The following SEMA5B variants were observed in gnomAD, a reference collection of about 807,000 sequenced individuals.
SEMA5B encodes the protein semaphorin-5B.
Under a neutral mutation model 135.0 loss-of-function variants are expected in SEMA5B, and 66 were observed. The observed-to-expected ratio is 0.49, with a 90% confidence interval of 0.40 to 0.60. The LOEUF is 0.60. Ranked by LOEUF, SEMA5B falls within the 20% of genes least tolerant of loss-of-function variation. SEMA5B has a pLI of 0.00. For missense variants in SEMA5B, 1,501 were observed against 1,566.3 expected, an observed-to-expected ratio of 0.96 and a Z score of 0.70; for synonymous variants, 690 against 639.5, an observed-to-expected ratio of 1.08 and a Z score of -1.19.
chr3:122,954,600 G>A (rs1940198913), intron 2 of SEMA5B, among the ~76,000 whole-genome samples: 1 of 152,192 alleles, frequency 6.6e-6, no homozygotes, highest in Non-Finnish European at 1.5e-5. Flanking sequence ...TGTCAGTGGG[G>A]CTTACAGGGA....
chr3:122,989,295 G>T (rs377593236), intron 1 of SEMA5B, among the ~76,000 whole-genome samples: 95 of 152,338 alleles, frequency 6.2e-4, no homozygotes, highest in African/African-American at 2.1e-3. Context: ...CTGCTGGTGG[G>T]TCAAGGAGGG....
chr3:122,977,249 A>G (rs1391156164), intron 1 of SEMA5B, among the ~76,000 whole-genome samples: 3 of 152,252 alleles, frequency 2.0e-5, no homozygotes, highest in African/African-American at 7.2e-5. Flanking sequence ...GTAAAGGGCC[A>G]TATGGTTAAC....
intron 1 of SEMA5B, among the ~76,000 whole-genome samples, chr3:122,974,403 C>T (rs1322927125): frequency 6.6e-6 from 1 of 152,252 alleles, no homozygotes; most frequent in Admixed American, 6.5e-5. Flanking sequence ...CACTCGCCTG[C>T]GCACATGCCT....
chr3:123,008,117 G>C (rs1201194464), intron 1 of SEMA5B, among the ~76,000 whole-genome samples: 1 of 152,222 alleles, frequency 6.6e-6, no homozygotes, highest in Non-Finnish European at 1.5e-5. Context: ...CTGTTATGTC[G>C]AGACAGAACT....
At chr3:122,912,482 T>C (rs1937786476) in intron 18 of SEMA5B, 140 bp from the exon 19 acceptor site, 6 of 801,262 alleles carry the variant, frequency 7.5e-6, no homozygotes, top group Non-Finnish European at 1.1e-5. Flanking sequence ...CACCCAACAG[T>C]CCACTGTTAG....
At chr3:122,955,067 G>T (rs1480430506) in intron 2 of SEMA5B, among the ~76,000 whole-genome samples, 1 of 151,086 alleles carries the variant, frequency 6.6e-6, no homozygotes, top group African/African-American at 2.4e-5. Context: ...CTCCCAAAAT[G>T]CTGGGATTGC....
chr3:122,922,430 C>T lies in SEMA5B; in HGVS notation c.1290G>A (p.Glu430=), dbSNP rs915515582. The T allele has an allele frequency of 6.2e-7, 1 of 1,605,600 alleles. No individual in the cohort carries two copies. The highest frequency in any genetic ancestry group is 8.5e-7 in the Non-Finnish European group (1 of 1,176,936). Reference sequence around the variant, plus strand: ...CCGTCAGGTTCTCGTTGGGACCGGTCTCAGGCAGGGTGCCACACTGCCGCG... The same window carrying T: ...CCGTCAGGTTCTCGTTGGGACCGGTTTCAGGCAGGGTGCCACACTGCCGCG... ...IPNFQCGTLP[E]TGPNENLTER... Residue 430 remains glutamate, a synonymous_variant, in exon 11 of 23, where the codon GAG becomes GAA. Coordinates refer to ENST00000357599, the MANE Select transcript of SEMA5B (RefSeq NM_001031702.4).
chr3:122,923,786 C>T (rs367973107), intron 9 of SEMA5B, 34 bp from the exon 10 acceptor site: 1 of 1,612,896 alleles, frequency 6.2e-7, no homozygotes, highest in East Asian at 2.2e-5. Flanking sequence ...CAGGGCCCTC[C>T]CTGTAAGACC....
chr3:122,957,483 G>A (rs1285551282), intron 2 of SEMA5B, among the ~76,000 whole-genome samples: 1 of 152,242 alleles, frequency 6.6e-6, no homozygotes, highest in Non-Finnish European at 1.5e-5. Context: ...CGGCCGACAA[G>A]GAGGTCCTCT....
chr3:123,018,815 T>A (rs1942616021), intron 1 of SEMA5B, among the ~76,000 whole-genome samples: 1 of 152,186 alleles, frequency 6.6e-6, no homozygotes, highest in Admixed American at 6.5e-5. Context: ...TATTCCATAC[T>A]GGGAAAGTAG....
intron 1 of SEMA5B, among the ~76,000 whole-genome samples, chr3:123,015,869 C>T (rs1333670176): frequency 6.6e-6 from 1 of 152,196 alleles, no homozygotes; most frequent in African/African-American, 2.4e-5. Context: ...TGGCTTGACA[C>T]CAGCAACTTG....
rs536774213 is a variant in SEMA5B, at chr3:122,910,532, G to A, written c.3298-231C>T. The stretch of plus-strand genomic sequence containing the variant: ...TGCTTCTACAAGAAGGCTCCCGGCC[G>A]GGCGCGGTGGCTCACGCCTGTAATC... On this transcript the variant is annotated intron_variant, in intron 22 of 22. Transcript: ENST00000357599. Among the ~76,000 whole-genome samples, 162 of 152,238 alleles carry A rather than the reference G, an allele frequency of 1.1e-3. 2 individuals are homozygous for A. The highest frequency in any genetic ancestry group is 3.4e-3 in the African/African-American group (142 of 41,544).
At chr3:122,973,897 A>G (rs1941217266) in intron 1 of SEMA5B, among the ~76,000 whole-genome samples, 1 of 152,174 alleles carries the variant, frequency 6.6e-6, no homozygotes, top group African/African-American at 2.4e-5. Flanking sequence ...AGTCTTCTTC[A>G]CCAGGCCCAA....
chr3:122,954,809 T>G (rs1940209285), intron 2 of SEMA5B, among the ~76,000 whole-genome samples: 1 of 150,816 alleles, frequency 6.6e-6, no homozygotes, highest in Admixed American at 6.6e-5. Context: ...TTTTTTTTTT[T>G]TTGAGACAGG....
intron 20 of SEMA5B, 76 bp from the exon 21 acceptor site, chr3:122,911,611 T>C: frequency 6.9e-7 from 1 of 1,451,988 alleles, no homozygotes; most frequent in Non-Finnish European, 9.4e-7. Flanking sequence ...GGCGTAAGCC[T>C]GGGAGGACCT....
intron 1 of SEMA5B, among the ~76,000 whole-genome samples, chr3:122,986,623 GTGGT>G (rs1382958732): frequency 2.0e-5 from 3 of 151,440 alleles, no homozygotes; most frequent in African/African-American, 7.3e-5. Context: ...GTGTGTGTGT[GTGGT>G]GTGTAAGTGT....
At chr3:123,005,678 A>C (rs138807550) in intron 1 of SEMA5B, among the ~76,000 whole-genome samples, 259 of 152,320 alleles carry the variant, frequency 1.7e-3, no homozygotes, top group African/African-American at 5.9e-3. Context: ...CTCCTTGGCC[A>C]CCAGAATGTG....
chr3:122,955,829 ACTAGTTAC>A (rs1940268087), intron 2 of SEMA5B, among the ~76,000 whole-genome samples: 1 of 152,238 alleles, frequency 6.6e-6, no homozygotes, highest in Non-Finnish European at 1.5e-5. Flanking sequence ...AACATATTCC[ACTAGTTAC>A]CTAAGTATCT....
chr3:122,938,152 G>A (rs541388665), intron 5 of SEMA5B, among the ~76,000 whole-genome samples: 1 of 152,278 alleles, frequency 6.6e-6, no homozygotes, highest in South Asian at 2.1e-4. Context: ...TATTCCTTGC[G>A]GCAAGGTACT....
Sources: allele counts gnomAD v4.1 joint callset (sites outside exome capture counted in the v4.1 genomes callset), GRCh38; gene constraint gnomAD v4.1.1; transcripts MANE v1.5; gene names NCBI Gene and HGNC (gene_info 2026-07-23, HGNC 2026-07-21).